Variants in ULK4 observed in about 807,000 individuals in gnomAD.
The protein encoded by ULK4 is inactive serine/threonine-protein kinase ULK4.
A neutral mutation model predicts 160.6 loss-of-function variants in ULK4; 133 were observed. The ratio of observed to expected loss-of-function variants is 0.83; its 90% CI spans 0.72 to 0.96. The LOEUF (loss-of-function observed/expected upper bound fraction) is 0.96, where lower values mean the gene tolerates loss of function less well. Ranked by LOEUF, ULK4 falls within the 40% of genes least tolerant of loss-of-function variation. ULK4 has a pLI of 0.00. For missense variants in ULK4, 1,580 were observed against 1,499.5 expected (o/e 1.05, Z -0.89); for synonymous variants, 534 against 539.8 (o/e 0.99, Z 0.15).
intron 5 of ULK4, among the ~76,000 whole-genome samples, chr3:41,929,999 T>C (rs1403581302): frequency 1.3e-5 from 2 of 152,112 alleles, no homozygotes; most frequent in African/African-American, 2.4e-5. Context: ...TTAAATTTCA[T>C]ATGGAACCAA....
At chr3:41,533,302 T>C (rs1444314404) in intron 32 of ULK4, among the ~76,000 whole-genome samples, 4 of 152,334 alleles carry the variant, frequency 2.6e-5, no homozygotes, top group African/African-American at 7.2e-5. Flanking sequence ...TTATTTGACA[T>C]AGTAAAATTT....
At chr3:41,451,886 G>A (rs2083434088) in intron 34 of ULK4, among the ~76,000 whole-genome samples, 1 of 152,088 alleles carries the variant, frequency 6.6e-6, no homozygotes, top group African/African-American at 2.4e-5. Flanking sequence ...TAAATTTAGA[G>A]CCCAAGGTGG....
chr3:41,943,919 T>C (rs1229778591), intron 2 of ULK4, among the ~76,000 whole-genome samples: 3 of 152,224 alleles, frequency 2.0e-5, no homozygotes, highest in Non-Finnish European at 2.9e-5. Context: ...ATTATCCTTA[T>C]GGAAAAGCTG....
chr3:41,547,730 A>G (rs972677868), intron 32 of ULK4, among the ~76,000 whole-genome samples: 2 of 152,166 alleles, frequency 1.3e-5, no homozygotes, highest in African/African-American at 2.4e-5. Context: ...CTAAATCTCT[A>G]TGTCCCTGGA....
chr3:41,364,243 C>T (rs1329701039), intron 35 of ULK4, among the ~76,000 whole-genome samples: 1 of 152,182 alleles, frequency 6.6e-6, no homozygotes. Flanking sequence ...CGGCCCAAGC[C>T]TCTTCTCTTA....
intron 35 of ULK4, among the ~76,000 whole-genome samples, chr3:41,294,071 A>G (rs1353775967): frequency 1.3e-5 from 2 of 152,242 alleles, no homozygotes; most frequent in East Asian, 3.9e-4. Context: ...GAGAGATGTT[A>G]CAGTCTGAGT....
At chr3:41,497,281 G>C (rs931537649) in intron 32 of ULK4, among the ~76,000 whole-genome samples, 3 of 151,912 alleles carry the variant, frequency 2.0e-5, no homozygotes, top group African/African-American at 7.3e-5. Flanking sequence ...AGGAAAAAAA[G>C]GTCAGTAAAC....
intron 34 of ULK4, among the ~76,000 whole-genome samples, chr3:41,417,471 T>A (rs1013505825): frequency 1.3e-5 from 2 of 152,076 alleles, no homozygotes; most frequent in African/African-American, 4.8e-5. Context: ...TGACCAGGTA[T>A]GAAGAGCTCA....
At chr3:41,636,463 G>A (rs891820433) in intron 30 of ULK4, among the ~76,000 whole-genome samples, 1 of 151,884 alleles carries the variant, frequency 6.6e-6, no homozygotes, top group Non-Finnish European at 1.5e-5. Flanking sequence ...GAGGCTGGGA[G>A]GTTAGGGCTG....
intron 32 of ULK4, among the ~76,000 whole-genome samples, chr3:41,535,793 G>A (rs1024014903): frequency 1.3e-5 from 2 of 152,210 alleles, no homozygotes; most frequent in African/African-American, 4.8e-5. Flanking sequence ...GACTCAGACA[G>A]TTCAAGCCAC....
intron 21 of ULK4, among the ~76,000 whole-genome samples, chr3:41,786,982 T>C (rs974120779): frequency 6.6e-6 from 1 of 152,010 alleles, no homozygotes; most frequent in Admixed American, 6.6e-5. Context: ...CCAACAGGTA[T>C]ACATACACAA....
intron 35 of ULK4, among the ~76,000 whole-genome samples, chr3:41,295,147 A>G (rs930702125): frequency 3.3e-5 from 5 of 152,234 alleles, no homozygotes; most frequent in Admixed American, 6.5e-5. Context: ...AGACCCACAT[A>G]AATACAGTCA....
chr3:41,680,002 C>G (rs2035868845), intron 29 of ULK4, among the ~76,000 whole-genome samples: 1 of 152,190 alleles, frequency 6.6e-6, no homozygotes, highest in South Asian at 2.1e-4. Flanking sequence ...GCACGAGCCA[C>G]TGAACCCAGC....
intron 15 of ULK4, among the ~76,000 whole-genome samples, chr3:41,895,820 C>A (rs540184212): frequency 6.6e-6 from 1 of 152,250 alleles, no homozygotes; most frequent in African/African-American, 2.4e-5. Context: ...GATAGACACA[C>A]ACCAACTATC....
At chr3:41,509,557 C>A (rs935740841) in intron 32 of ULK4, among the ~76,000 whole-genome samples, 1 of 152,158 alleles carries the variant, frequency 6.6e-6, no homozygotes, top group Admixed American at 6.5e-5. Context: ...AGAAAAGGAT[C>A]TTAAGAGCTG....
chr3:41,848,798 T>A (rs2042132458), intron 17 of ULK4, among the ~76,000 whole-genome samples: 1 of 152,196 alleles, frequency 6.6e-6, no homozygotes, highest in Non-Finnish European at 1.5e-5. Flanking sequence ...TTGACCTTGT[T>A]CATTTTCCTC....
intron 34 of ULK4, 25 bp downstream of exon 34, chr3:41,455,471 CA>C: frequency 6.3e-7 from 1 of 1,599,510 alleles, no homozygotes; most frequent in Non-Finnish European, 8.5e-7. Context: ...AGTAATGCCC[CA>C]AAAGACATAC....
intron 35 of ULK4, among the ~76,000 whole-genome samples, chr3:41,270,374 C>T (rs9820208): frequency 0.016 from 2,493 of 152,244 alleles, 78 homozygotes; most frequent in African/African-American, 0.057. Flanking sequence ...CCACAACTGT[C>T]CACTCTTCTC....
chr3:41,723,600 C>G (rs1387181494), intron 22 of ULK4, among the ~76,000 whole-genome samples: 3 of 152,184 alleles, frequency 2.0e-5, no homozygotes, highest in Non-Finnish European at 4.4e-5. Flanking sequence ...TTGGCAAAAT[C>G]TGATTAAAAA....
Sources: gnomAD v4.1 joint callset for allele counts (sites outside exome capture counted in the v4.1 genomes callset) on GRCh38, gnomAD v4.1.1 for gene constraint, MANE v1.5 for transcripts, NCBI Gene and HGNC (gene_info 2026-07-23, HGNC 2026-07-21) for gene names.